Variants in AKAP12 observed in about 807,000 individuals in gnomAD.
AKAP12 encodes the protein A-kinase anchor protein 12.
AKAP12 carries 32 observed loss-of-function variants against 79.9 expected under a neutral mutation model. The observed-to-expected ratio is 0.40, with a 90% CI of 0.30 to 0.54. AKAP12 has a LOEUF of 0.54. AKAP12 is among the 20% of genes least tolerant of loss of function. AKAP12 has a pLI of 0.48. For synonymous variants in AKAP12, 808 were observed against 857.0 expected (o/e 0.94, Z 1.00); for missense variants, 2,074 against 2,177.0 (o/e 0.95, Z 0.94).
At position 151,244,392 on chromosome 6, in the gene AKAP12, C is replaced by T. The variant is rs530819647; in HGVS notation, c.162+3668C>T. ...ACAAAAAATTAGCCAGGCGTGGTGG[C>T]GGGCGCCTGTAGTCCCAGCCACTCG... is the stretch of plus-strand genomic sequence containing the variant. On this transcript the variant is annotated intron_variant, in intron 2 of 4. Coordinates refer to ENST00000402676, the MANE Select transcript of AKAP12 (RefSeq NM_005100.4). Among the ~76,000 whole-genome samples the T allele has an allele frequency of 2.0e-5, 3 of 152,188 alleles. No homozygotes were observed. In the South Asian group the frequency reaches 6.2e-4, roughly 32 times the overall value.
chr6:151,298,057 A>G (rs867378058), intron 2 of AKAP12, among the ~76,000 whole-genome samples: 2 of 116,962 alleles, frequency 1.7e-5, no homozygotes, highest in East Asian at 2.0e-3. Context: ...AGATGAGCTC[A>G]GAGTAAAGTT....
intron 2 of AKAP12, among the ~76,000 whole-genome samples, chr6:151,248,892 C>T (rs528170607): frequency 5.9e-5 from 9 of 151,992 alleles, no homozygotes; most frequent in Non-Finnish European, 1.3e-4. Context: ...GAGGCTGAGG[C>T]AGGAGAATCG....
At chr6:151,305,934 CA>C (rs1330135479) in intron 3 of AKAP12, 31 bp downstream of exon 3, 6 of 1,575,342 alleles carry the variant, frequency 3.8e-6, no homozygotes, top group South Asian at 1.2e-5. Flanking sequence ...CTGGAAGGCA[CA>C]CAGCACTTGC....
intron 2 of AKAP12, among the ~76,000 whole-genome samples, chr6:151,261,701 AAAAC>A (rs1284477177): frequency 6.6e-6 from 1 of 151,546 alleles, no homozygotes; most frequent in African/African-American, 2.4e-5. Context: ...CTCCATCTCA[AAAAC>A]AAACAAGAAC....
At chr6:151,324,442 C>T (rs776427599) in intron 3 of AKAP12, 8 of 985,264 alleles carry the variant, frequency 8.1e-6, no homozygotes, top group Middle Eastern at 5.2e-4. Flanking sequence ...AGTGCAACTA[C>T]GTGCCATGCC....
intron 3 of AKAP12, among the ~76,000 whole-genome samples, chr6:151,333,308 G>A (rs1033431879): frequency 3.3e-5 from 5 of 152,046 alleles, no homozygotes; most frequent in Non-Finnish European, 5.9e-5. Flanking sequence ...CCAGCAGTGG[G>A]AGTGGGTTGA....
intron 2 of AKAP12, among the ~76,000 whole-genome samples, chr6:151,284,109 A>G (rs183168679): frequency 6.6e-6 from 1 of 152,186 alleles, no homozygotes; most frequent in Non-Finnish European, 1.5e-5. Context: ...ACCCTCTCCC[A>G]GGTCAGGTTG....
rs149826328 is a variant in AKAP12 at position 151,320,606 on chromosome 6, G to A, written c.319+14703G>A. On this transcript the variant is annotated intron_variant, in intron 3 of 4. Transcript: ENST00000402676. ...TTATTTCATGGACATCATTCCGTTC[G>A]GGTGATCCCACAGATTCGCACTGCA... Among the ~76,000 whole-genome samples the A allele has an allele frequency of 4.1e-4, 62 of 151,990 alleles. 1 individual carries two copies. In the South Asian group the frequency reaches 8.3e-3, roughly 20 times the overall value.
intron 2 of AKAP12, among the ~76,000 whole-genome samples, chr6:151,272,797 G>C (rs1473882448): frequency 6.6e-5 from 10 of 152,196 alleles, no homozygotes; most frequent in Non-Finnish European, 1.5e-4. Context: ...CTCCCAAAGT[G>C]CTGGGATTAC....
rs563706106 is a variant in AKAP12 at position 151,304,456 on chromosome 6, TTC to T, written c.163-1290_163-1289del. On this transcript the variant is annotated intron_variant, in intron 2 of 4. Transcript: ENST00000402676. ...GTGAACCGAGATCACGCCACTGCAC[TTC>T]AGCCTGGGTGAAACAGTGACACTCC... is the stretch of plus-strand genomic sequence containing the variant. Among the ~76,000 whole-genome samples the T allele has an allele frequency of 3.6e-3, 390 of 109,224 alleles. 4 individuals carry two copies. Among genetic ancestry groups the T allele is most frequent in the African/African-American group, 0.011 (318 of 29,460 alleles). The allele number at this position is 109,224 out of a possible 152,430, so 71.7% of individuals were successfully genotyped here.
chr6:151,352,967 G>A lies in AKAP12; in HGVS notation c.4576G>A (p.Val1526Met), dbSNP rs1479574092. Residue 1526 changes from valine (V) to methionine (M), a missense_variant, in exon 4 of 5, where the codon GTG becomes ATG. Physicochemically the swap from Val to Met is conservative, Grantham distance 21. This residue lies in a region of AKAP12 where 614 missense variants were observed against 665.6 expected (regional missense o/e 0.92). Transcript: ENST00000402676. ...DEQVACQEVK[V>M]SVAIEDLEPE... Reference sequence around the variant, plus strand: ...GCAGGTTGCTTGCCAGGAGGTCAAAGTGAGTGTAGCAATTGAGGATTTAGA... The same window carrying A: ...GCAGGTTGCTTGCCAGGAGGTCAAAATGAGTGTAGCAATTGAGGATTTAGA... 1.3e-6 allele frequency: 2 copies of A among 1,552,080 alleles called. No homozygotes were observed. The highest frequency in any genetic ancestry group is 1.8e-5 in the African/African-American group (1 of 56,880).
At chr6:151,281,188 A>C (rs1209126810) in intron 2 of AKAP12, among the ~76,000 whole-genome samples, 2 of 152,154 alleles carry the variant, frequency 1.3e-5, no homozygotes, top group Non-Finnish European at 1.5e-5. Context: ...TACATTAGAT[A>C]AGTGACTTAA....
intron 3 of AKAP12, among the ~76,000 whole-genome samples, chr6:151,329,313 G>C (rs898632457): frequency 1.3e-5 from 2 of 152,088 alleles, no homozygotes; most frequent in Middle Eastern, 3.4e-3. Context: ...ACGAGGTTTC[G>C]CCATGTTGGC....
Position 151,356,097 on chromosome 6 carries a change from A to G in AKAP12, c.*383A>G, listed in dbSNP as rs779372673. The G allele has an allele frequency of 2.0e-5, 3 of 152,698 alleles. No individual in the cohort carries two copies. Among genetic ancestry groups the G allele is most frequent in the Non-Finnish European group, 1.5e-5 (1 of 68,020 alleles). 9.5% of individuals were successfully genotyped at this position (152,698 alleles called of 1,614,324 possible). On this transcript the variant is annotated 3_prime_UTR_variant, in exon 5 of 5. Transcript: ENST00000402676. ...TAAGTAGTCCTCCTGTATCTATTGT[A>G]TATTTTTTTCTTAATGTTTAAGGAA...
chr6:151,339,560 A>G (rs1020899614), intron 3 of AKAP12, among the ~76,000 whole-genome samples: 2 of 152,128 alleles, frequency 1.3e-5, no homozygotes, highest in African/African-American at 4.8e-5. Context: ...GTCATTTGTT[A>G]CAATCAATGA....
chr6:151,273,217 A>G (rs1289193739), intron 2 of AKAP12, among the ~76,000 whole-genome samples: 2 of 152,208 alleles, frequency 1.3e-5, no homozygotes, highest in African/African-American at 4.8e-5. Context: ...CAGGCTGGAC[A>G]TTCTTAGCAA....
Position 151,349,082 on chromosome 6 carries a change from G to T in AKAP12, c.691G>T (p.Glu231Ter). ...GAGEAASKESEPKQSTEKPEE... is the reference protein window; with the variant it reads ...GAGEAASKES ...TGGAGAAGCAGCATCCAAAGAAAGC[G>T]AACCCAAACAATCTACAGAGAAACC... The change falls in exon 4 of 5, where the codon GAA becomes TAA. Residue 231 changes from glutamate (E) to a stop codon, truncating the protein, a stop_gained. Coordinates refer to ENST00000402676, the MANE Select transcript of AKAP12 (RefSeq NM_005100.4). LOFTEE classifies it high-confidence loss of function. The T allele has an allele frequency of 6.2e-7, 1 of 1,612,100 alleles. No individual in the cohort carries two copies. The highest frequency in any genetic ancestry group is 8.5e-7 in the Non-Finnish European group (1 of 1,179,566).
chr6:151,292,896 A>G (rs1430349017), intron 2 of AKAP12, among the ~76,000 whole-genome samples: 1 of 152,190 alleles, frequency 6.6e-6, no homozygotes, highest in African/African-American at 2.4e-5. Flanking sequence ...TAAGCAAGTG[A>G]CAGTTGTGTA....
chr6:151,240,302 T>A (rs949789355), intron 1 of AKAP12, 82 bp from the exon 2 acceptor site: 3 of 316,412 alleles, frequency 9.5e-6, no homozygotes, highest in South Asian at 8.5e-5. Flanking sequence ...GCTGTGCTCA[T>A]GTGATGAAGC....
Sources: allele counts gnomAD v4.1 joint callset (sites outside exome capture counted in the v4.1 genomes callset), GRCh38; gene constraint gnomAD v4.1.1; regional missense constraint gnomAD v4.1.1; transcripts MANE v1.5; gene names NCBI Gene and HGNC (gene_info 2026-07-23, HGNC 2026-07-21).